The following ETV6 variants were observed in gnomAD, a reference collection of about 807,000 sequenced individuals.
ETV6 encodes transcription factor ETV6.
In ETV6, 16 loss-of-function variants were observed where a neutral mutation model predicts 51.1. That is an observed-to-expected ratio of 0.31 (90% confidence interval 0.21 to 0.48). The LOEUF is 0.48. ETV6 is among the 20% of genes least tolerant of loss of function. The pLI is 0.99. For synonymous variants in ETV6, 240 were observed against 224.1 expected (o/e 1.07, Z -0.64); for missense variants, 458 against 594.8 (o/e 0.77, Z 2.39).
chr12:11,725,360 A>G (rs1865469173), intron 1 of ETV6, among the ~76,000 whole-genome samples: 1 of 152,052 alleles, frequency 6.6e-6, no homozygotes, highest in Non-Finnish European at 1.5e-5. Flanking sequence ...TTGGGATGTT[A>G]TTTGCTTTAA....
chr12:11,673,454 G>A (rs2120707841), intron 1 of ETV6, among the ~76,000 whole-genome samples: 1 of 152,262 alleles, frequency 6.6e-6, no homozygotes, highest in African/African-American at 2.4e-5. Flanking sequence ...TGCTGCCCAG[G>A]TATCTGAGGA....
At position 11,669,381 on chromosome 12, in the gene ETV6, C is replaced by T. The variant is rs117709053; in HGVS notation, c.33+19221C>T. Among the ~76,000 whole-genome samples, 99 of 28,110 alleles carry T rather than the reference C, an allele frequency of 3.5e-3. 1 individual carries two copies. The highest frequency in any genetic ancestry group is 0.015 in the South Asian group (7 of 452). 18.4% of individuals were successfully genotyped at this position (28,110 alleles called of 152,430 possible). On this transcript the variant is annotated intron_variant, in intron 1 of 7. Coordinates refer to ENST00000396373, the MANE Select transcript of ETV6 (RefSeq NM_001987.5). ...GTCCTCCCTTCCTCCCTTCCTCCCT[C>T]CCTCCCTCCCTCCTTTCCTCCTTTC...
At chr12:11,750,396 G>T (rs1865998650) in intron 1 of ETV6, among the ~76,000 whole-genome samples, 1 of 152,208 alleles carries the variant, frequency 6.6e-6, no homozygotes, top group African/African-American at 2.4e-5. Flanking sequence ...TGGAGTTGGG[G>T]CAGGCGGGGA....
intron 2 of ETV6, among the ~76,000 whole-genome samples, chr12:11,816,482 G>A (rs997438811): frequency 6.6e-6 from 1 of 152,076 alleles, no homozygotes; most frequent in Non-Finnish European, 1.5e-5. Context: ...TCCTGACCTC[G>A]TGATCCACCC....
chr12:11,834,507 A>AGAAT (rs1455862522), intron 2 of ETV6, among the ~76,000 whole-genome samples: 2 of 152,266 alleles, frequency 1.3e-5, no homozygotes, highest in Non-Finnish European at 2.9e-5. Flanking sequence ...AACTGAAAAG[A>AGAAT]GAATGCAACA....
At chr12:11,888,789 A>G in intron 7 of ETV6, among the ~76,000 whole-genome samples, 1 of 152,132 alleles carries the variant, frequency 6.6e-6, no homozygotes, top group East Asian at 1.9e-4. Flanking sequence ...TGAAGCCTCA[A>G]ACTCTGGGCT....
chr12:11,794,890 T>C (rs1320928504), intron 2 of ETV6, among the ~76,000 whole-genome samples: 1 of 152,236 alleles, frequency 6.6e-6, no homozygotes, highest in Non-Finnish European at 1.5e-5. Flanking sequence ...TAAAGAACCA[T>C]GTCCTCTACT....
At chr12:11,736,717 G>A (rs540191816) in intron 1 of ETV6, among the ~76,000 whole-genome samples, 4 of 152,320 alleles carry the variant, frequency 2.6e-5, no homozygotes, top group African/African-American at 9.6e-5. Flanking sequence ...TGATAGGGCG[G>A]TGAGCGCATC....
At chr12:11,650,204 C>T (rs1396040826) in intron 1 of ETV6, 44 bp downstream of exon 1, 2 of 1,560,936 alleles carry the variant, frequency 1.3e-6, no homozygotes, top group Non-Finnish European at 8.8e-7. Context: ...AAACCCTGAG[C>T]TGCACCGGCC....
At chr12:11,666,861 C>T (rs1864204906) in intron 1 of ETV6, among the ~76,000 whole-genome samples, 1 of 152,214 alleles carries the variant, frequency 6.6e-6, no homozygotes, top group African/African-American at 2.4e-5. Flanking sequence ...GATTTGACTT[C>T]ATCTTGGCTG....
At chr12:11,769,158 A>G (rs1356974974) in intron 2 of ETV6, among the ~76,000 whole-genome samples, 1 of 152,234 alleles carries the variant, frequency 6.6e-6, no homozygotes, top group Non-Finnish European at 1.5e-5. Flanking sequence ...TTCACAGAAC[A>G]TACATCTGTT....
intron 3 of ETV6, among the ~76,000 whole-genome samples, chr12:11,847,603 G>A (rs938012940): frequency 3.9e-5 from 6 of 152,224 alleles, no homozygotes; most frequent in Non-Finnish European, 7.3e-5. Flanking sequence ...GAGATTGCTG[G>A]TGAGAATGTT....
chr12:11,844,646 A>G (rs576442663), intron 3 of ETV6, among the ~76,000 whole-genome samples: 1 of 152,120 alleles, frequency 6.6e-6, no homozygotes, highest in South Asian at 2.1e-4. Context: ...GCATCCAAGG[A>G]TATAGGTCAC....
At chr12:11,716,284 T>TCC (rs1271526791) in intron 1 of ETV6, among the ~76,000 whole-genome samples, 60 of 119,960 alleles carry the variant, frequency 5.0e-4, no homozygotes, top group African/African-American at 1.9e-3. Context: ...TGAGCGGAGA[T>TCC]CATGCCACTG....
Position 11,853,469 on chromosome 12 carries a change from G to A in ETV6, c.371G>A (p.Arg124Lys). The A allele has an allele frequency of 1.2e-6, 2 of 1,614,208 alleles. No homozygotes were observed. Among genetic ancestry groups the A allele is most frequent in the Non-Finnish European group, 1.7e-6 (2 of 1,180,038 alleles). Reference protein sequence around the residue: ...YELLQHILKQRKPRILFSPFF... With the variant: ...YELLQHILKQKKPRILFSPFF... ...CTCCTTCAGCATATTCTGAAGCAGA[G>A]GAAACCTCGGATTCTTTTTTCACCA... Residue 124 changes from arginine to lysine, a missense_variant, in exon 4 of 8, where the codon AGG becomes AAG. Physicochemically the swap from Arg to Lys is conservative, Grantham distance 26. Transcript: ENST00000396373.
intron 7 of ETV6, among the ~76,000 whole-genome samples, chr12:11,888,414 T>TA (rs1372836394): frequency 1.4e-5 from 2 of 145,248 alleles, no homozygotes; most frequent in Non-Finnish European, 3.0e-5. Context: ...TTTTTTTTTT[T>TA]AGACAGAGCC....
chr12:11,684,896 TA>T (rs775571890), intron 1 of ETV6, among the ~76,000 whole-genome samples: 2 of 152,138 alleles, frequency 1.3e-5, no homozygotes, highest in African/African-American at 2.4e-5. Context: ...AAAATGTAAG[TA>T]AAATACGAAC....
At chr12:11,669,264 G>T (rs1381831270) in intron 1 of ETV6, among the ~76,000 whole-genome samples, 1 of 152,116 alleles carries the variant, frequency 6.6e-6, no homozygotes, top group Non-Finnish European at 1.5e-5. Context: ...CGACTTCGAA[G>T]TCTGATCCAA....
At position 11,893,671 on chromosome 12, in the gene ETV6, G is replaced by A. The variant is rs374682883; in HGVS notation, c.*2625G>A. 2 of 227,406 alleles carry A rather than the reference G, an allele frequency of 8.8e-6. No homozygotes were observed. The highest frequency in any genetic ancestry group is 4.5e-5 in the African/African-American group (2 of 44,788). The allele number at this position is 227,406 out of a possible 1,614,324, so 14.1% of individuals were successfully genotyped here. A position where few individuals can be genotyped will look rare whatever the true frequency, so the allele number is the denominator to read the frequency against. ...TCTTATGGTTCAATGTACACAAACT[G>A]TTTTATATAGAAAATGATTTCAAAT... On this transcript the variant is annotated 3_prime_UTR_variant, in exon 8 of 8. Coordinates refer to ENST00000396373, the MANE Select transcript of ETV6 (RefSeq NM_001987.5).
Sources: allele counts gnomAD v4.1 joint callset (sites outside exome capture counted in the v4.1 genomes callset), GRCh38; gene constraint gnomAD v4.1.1; transcripts MANE v1.5; gene names NCBI Gene and HGNC (gene_info 2026-07-23, HGNC 2026-07-21).